The following MORC1 variants were observed in gnomAD, a reference collection of about 807,000 sequenced individuals.
The protein encoded by MORC1 is MORC family CW-type zinc finger protein 1.
Under a neutral mutation model 134.9 loss-of-function variants are expected in MORC1, and 59 were observed. The ratio of observed to expected loss-of-function variants is 0.44; its 90% CI spans 0.35 to 0.54. The LOEUF is 0.54. Ranked by LOEUF, MORC1 falls within the 20% of genes least tolerant of loss-of-function variation. MORC1 has a pLI of 0.00. For synonymous variants in MORC1, 395 were observed against 391.7 expected, an observed-to-expected ratio of 1.01 and a Z score of -0.10; for missense variants, 947 against 1,134.5, an observed-to-expected ratio of 0.83 and a Z score of 2.37.
intron 12 of MORC1, among the ~76,000 whole-genome samples, chr3:109,059,279 G>C (rs1247094566): frequency 6.6e-6 from 1 of 152,072 alleles, no homozygotes; most frequent in African/African-American, 2.4e-5. Flanking sequence ...TTGAGTTGGA[G>C]AGCAAGTTCA....
chr3:108,973,594 GGT>G (rs140114174), intron 24 of MORC1, among the ~76,000 whole-genome samples: 34,199 of 123,120 alleles, frequency 0.28, 4,330 homozygotes, highest in Middle Eastern at 0.38. Context: ...GCTTTGTTTT[GGT>G]TTTTTTTTTT....
chr3:109,037,937 T>C (rs747575591), intron 14 of MORC1, among the ~76,000 whole-genome samples: 5 of 152,242 alleles, frequency 3.3e-5, no homozygotes, highest in Admixed American at 6.5e-5. Flanking sequence ...GCATGATTTC[T>C]AATCCTTTGG....
At chr3:108,991,659 C>T (rs899855059) in intron 21 of MORC1, among the ~76,000 whole-genome samples, 10 of 152,270 alleles carry the variant, frequency 6.6e-5, no homozygotes, top group African/African-American at 9.6e-5. Flanking sequence ...ATGGCTTCAT[C>T]GGCATCATCA....
chr3:109,117,635 A>G (rs1431697045), intron 1 of MORC1, among the ~76,000 whole-genome samples: 2 of 152,124 alleles, frequency 1.3e-5, no homozygotes, highest in Non-Finnish European at 2.9e-5. Context: ...TATGCAAATT[A>G]CTCTGTTTGA....
intron 9 of MORC1, among the ~76,000 whole-genome samples, chr3:109,067,021 T>G (rs1490373848): frequency 6.6e-6 from 1 of 152,170 alleles, no homozygotes; most frequent in Non-Finnish European, 1.5e-5. Context: ...GATAGGTGGG[T>G]GGGGTGTTAG....
chr3:108,993,206 C>A (rs955936566), intron 21 of MORC1, among the ~76,000 whole-genome samples: 1 of 152,196 alleles, frequency 6.6e-6, no homozygotes, highest in Admixed American at 6.5e-5. Flanking sequence ...TTCAGCACAA[C>A]AATCAGATAC....
chr3:108,959,133 A>C lies in MORC1; in HGVS notation c.2800-13T>G. The C allele has an allele frequency of 6.4e-7, 1 of 1,569,644 alleles. No homozygotes were observed. The highest frequency in any genetic ancestry group is 8.6e-7 in the Non-Finnish European group (1 of 1,162,256). On this transcript the variant is annotated splice_polypyrimidine_tract_variant and intron_variant, in intron 27 of 27. Coordinates refer to ENST00000232603, the MANE Select transcript of MORC1 (RefSeq NM_014429.4). ...CTTCTGGACCACCCTGGAAAAGAGAAGCAACAGTCACACCAGGGAAAGAAG... is the reference window on the plus strand; with the variant it reads ...CTTCTGGACCACCCTGGAAAAGAGACGCAACAGTCACACCAGGGAAAGAAG...
intron 18 of MORC1, among the ~76,000 whole-genome samples, chr3:109,005,713 T>G (rs1276257828): frequency 6.6e-6 from 1 of 152,224 alleles, no homozygotes; most frequent in Non-Finnish European, 1.5e-5. Flanking sequence ...CAATGAAAGA[T>G]GTATTTGCTA....
intron 9 of MORC1, among the ~76,000 whole-genome samples, chr3:109,068,586 A>G (rs1262515070): frequency 6.6e-6 from 1 of 152,182 alleles, no homozygotes; most frequent in African/African-American, 2.4e-5. Context: ...ATATATATAT[A>G]CCACAGTGTC....
intron 24 of MORC1, among the ~76,000 whole-genome samples, chr3:108,974,004 C>T (rs1401717767): frequency 2.0e-5 from 3 of 152,098 alleles, no homozygotes; most frequent in Admixed American, 2.0e-4. Context: ...AGGAATTATT[C>T]CTATTTTCTC....
At chr3:108,992,194 T>C (rs956384011) in intron 21 of MORC1, among the ~76,000 whole-genome samples, 3 of 152,178 alleles carry the variant, frequency 2.0e-5, no homozygotes, top group Admixed American at 6.5e-5. Flanking sequence ...TCTTAACAAA[T>C]ATCTCTTGTT....
chr3:108,979,704 G>C, intron 23 of MORC1, 37 bp from the exon 24 acceptor site: 1 of 1,599,010 alleles, frequency 6.3e-7, no homozygotes, highest in Non-Finnish European at 8.5e-7. Context: ...ATCATGTTAG[G>C]TATTAATAAT....
intron 17 of MORC1, among the ~76,000 whole-genome samples, chr3:109,014,165 G>A (rs1576632861): frequency 6.6e-6 from 1 of 152,198 alleles, no homozygotes; most frequent in East Asian, 1.9e-4. Flanking sequence ...ATGGGGAAAT[G>A]CTAAATCTAT....
intron 21 of MORC1, among the ~76,000 whole-genome samples, chr3:108,994,101 A>G (rs953847127): frequency 3.3e-5 from 5 of 152,092 alleles, no homozygotes; most frequent in Admixed American, 3.3e-4. Context: ...CTGGTAAATG[A>G]CTTGGCTCAG....
In MORC1 at chr3:108,958,992, TTCTAAAGGGAG is replaced by T; in HGVS notation, c.2917_2927del (p.Leu973LysfsTer3). Reference sequence around the variant, plus strand: ...AATTTTCCGAAGTCTTTTCATTTTTTTCTAAAGGGAGTCTATGTCTTGCATCTATAGTTACT... The same window carrying T: ...AATTTTCCGAAGTCTTTTCATTTTTTTCTATGTCTTGCATCTATAGTTACT... On this transcript the variant is annotated frameshift_variant, in exon 28 of 28. Transcript: ENST00000232603. LOFTEE classifies it low-confidence loss of function (END_TRUNC). 6.6e-7 allele frequency: 1 copy of T among 1,512,800 alleles called. No homozygotes were observed. The highest frequency in any genetic ancestry group is 8.8e-7 in the Non-Finnish European group (1 of 1,133,354). The allele number at this position is 1,512,800 out of a possible 1,614,324, so 93.7% of individuals were successfully genotyped here.
At chr3:109,048,342 T>C (rs1949743614) in intron 14 of MORC1, among the ~76,000 whole-genome samples, 2 of 152,224 alleles carry the variant, frequency 1.3e-5, no homozygotes, top group South Asian at 4.1e-4. Context: ...AAACAGTACT[T>C]ACTTTTAGAA....
intron 12 of MORC1, among the ~76,000 whole-genome samples, chr3:109,058,178 C>T (rs912225973): frequency 1.3e-5 from 2 of 152,022 alleles, no homozygotes; most frequent in Admixed American, 6.6e-5. Flanking sequence ...TATGAAAATG[C>T]CTGGATGTGA....
chr3:109,069,483 T>C (rs1950269591), intron 9 of MORC1, 149 bp downstream of exon 9: 1 of 713,120 alleles, frequency 1.4e-6, no homozygotes, highest in Non-Finnish European at 2.2e-6. Context: ...AATTACTCTT[T>C]AGCATCCCTT....
At chr3:109,080,353 T>A (rs1254002496) in intron 8 of MORC1, among the ~76,000 whole-genome samples, 1 of 152,078 alleles carries the variant, frequency 6.6e-6, no homozygotes, top group Admixed American at 6.6e-5. Context: ...GGACTTACTA[T>A]CACAAGAACA....
Sources: gnomAD v4.1 joint callset for allele counts (sites outside exome capture counted in the v4.1 genomes callset) on GRCh38, gnomAD v4.1.1 for gene constraint, MANE v1.5 for transcripts, NCBI Gene and HGNC (gene_info 2026-07-23, HGNC 2026-07-21) for gene names.